The following MPDZ variants were observed in gnomAD, a reference collection of about 807,000 sequenced individuals.
The protein encoded by MPDZ is multiple PDZ domain crumbs cell polarity complex component.
MPDZ carries 234 observed loss-of-function variants against 239.1 expected under a neutral mutation model. That is an observed-to-expected ratio of 0.98 (90% confidence interval 0.88 to 1.09). MPDZ has a LOEUF of 1.09. Among genes scored for constraint, MPDZ ranks in the 50% least tolerant of loss-of-function variants. The pLI is 0.00. For missense variants in MPDZ, 3,175 were observed against 2,510.0 expected (o/e 1.26, Z -5.66); for synonymous variants, 1,048 against 881.3 (o/e 1.19, Z -3.35).
chr9:13,183,313 T>C, intron 19 of MPDZ, 105 bp downstream of exon 19: 2 of 865,158 alleles, frequency 2.3e-6, no homozygotes, highest in Non-Finnish European at 3.4e-6. Flanking sequence ...TGGAGAAACA[T>C]AATGTCTCCA....
chr9:13,252,372 C>T (rs933596968), intron 1 of MPDZ, among the ~76,000 whole-genome samples: 12 of 151,824 alleles, frequency 7.9e-5, no homozygotes, highest in Admixed American at 3.9e-4. Flanking sequence ...TCCAGACCAT[C>T]CTGGCCAACA....
rs111838188 is a variant in MPDZ, at chr9:13,195,531, C to T, written c.1656+590G>A. On this transcript the variant is annotated intron_variant, in intron 13 of 46. Coordinates refer to ENST00000319217, the MANE Select transcript of MPDZ (RefSeq NM_001378778.1). Reference sequence around the variant, plus strand: ...GTGAAATTTGCTGGTATGGTATGTACCTTAAGATTGATAATTTATAACAAT... The same window carrying T: ...GTGAAATTTGCTGGTATGGTATGTATCTTAAGATTGATAATTTATAACAAT... Among the ~76,000 whole-genome samples, 1,009 of 151,784 alleles carry T rather than the reference C, an allele frequency of 6.6e-3. 10 individuals carry two copies. Among genetic ancestry groups the T allele is most frequent in the African/African-American group, 0.024 (975 of 41,358 alleles).
intron 18 of MPDZ, among the ~76,000 whole-genome samples, chr9:13,185,060 A>G (rs7847491): frequency 0.87 from 132,318 of 151,928 alleles, 58,927 homozygotes; most frequent in East Asian, 0.99. Flanking sequence ...GACATTTCAA[A>G]AAGTATTTGC....
Position 13,174,184 on chromosome 9 carries a change from G to A in MPDZ, c.3055+1568C>T, listed in dbSNP as rs1952154553. ...TAAAGTTCTCCACACTTGGAGAGTA[G>A]GGATTAGTTATTCCCTCTTTTAAGC... On this transcript the variant is annotated intron_variant, in intron 21 of 46. Coordinates refer to ENST00000319217, the MANE Select transcript of MPDZ (RefSeq NM_001378778.1). 1.3e-5 allele frequency among the ~76,000 whole-genome samples: 2 copies of A among 152,086 alleles called. 1 individual carries two copies. Among genetic ancestry groups the A allele is most frequent in the South Asian group, 4.1e-4 (2 of 4,824 alleles).
intron 32 of MPDZ, among the ~76,000 whole-genome samples, chr9:13,129,468 T>TAAATAAAA (rs539547921): frequency 2.3e-5 from 3 of 129,076 alleles, no homozygotes; most frequent in African/African-American, 3.7e-5. Flanking sequence ...GTCTCAAAAA[T>TAAATAAAA]AAATAAATAA....
chr9:13,195,756 T>A (rs1955557392), intron 13 of MPDZ, among the ~76,000 whole-genome samples: 1 of 152,200 alleles, frequency 6.6e-6, no homozygotes, highest in Non-Finnish European at 1.5e-5. Context: ...TCATAAGTCA[T>A]GATAAATTTT....
intron 16 of MPDZ, among the ~76,000 whole-genome samples, chr9:13,189,609 A>G (rs1055128203): frequency 6.6e-6 from 1 of 152,166 alleles, no homozygotes; most frequent in Non-Finnish European, 1.5e-5. Flanking sequence ...ACTCTATCAG[A>G]CAGGCTTTAC....
At chr9:13,142,924 A>G (rs1367640232) in intron 27 of MPDZ, among the ~76,000 whole-genome samples, 1 of 152,114 alleles carries the variant, frequency 6.6e-6, no homozygotes, top group Admixed American at 6.6e-5. Context: ...TCAGAAAATG[A>G]GAAGATCCAA....
chr9:13,211,082 C>T (rs1219781603), intron 10 of MPDZ, among the ~76,000 whole-genome samples: 2 of 152,086 alleles, frequency 1.3e-5, no homozygotes, highest in Non-Finnish European at 2.9e-5. Flanking sequence ...GCCATCAGTT[C>T]ATAGCGGGCT....
chr9:13,221,104 A>G (rs1262368942), intron 7 of MPDZ, among the ~76,000 whole-genome samples: 3 of 152,032 alleles, frequency 2.0e-5, no homozygotes, highest in Admixed American at 2.0e-4. Context: ...CACAATTATC[A>G]AATCCATAAC....
At chr9:13,172,617 C>T (rs1951933546) in intron 21 of MPDZ, among the ~76,000 whole-genome samples, 1 of 152,066 alleles carries the variant, frequency 6.6e-6, no homozygotes, top group Non-Finnish European at 1.5e-5. Flanking sequence ...GAACTCCTGA[C>T]CTCAGGTGAT....
At chr9:13,184,490 T>G (rs748443302) in intron 18 of MPDZ, among the ~76,000 whole-genome samples, 11 of 151,942 alleles carry the variant, frequency 7.2e-5, no homozygotes, top group Non-Finnish European at 1.5e-4. Context: ...TCAGGTCACA[T>G]TCTTACAAAA....
intron 1 of MPDZ, among the ~76,000 whole-genome samples, chr9:13,261,752 C>CA (rs1564156084): frequency 6.6e-6 from 1 of 151,094 alleles, no homozygotes. Flanking sequence ...AGGTAACTGA[C>CA]AGAGTATGGT....
intron 3 of MPDZ, among the ~76,000 whole-genome samples, chr9:13,243,628 A>G (rs1965930360): frequency 6.6e-6 from 1 of 152,202 alleles, no homozygotes; most frequent in Non-Finnish European, 1.5e-5. Flanking sequence ...AAATTTCAAA[A>G]AAAGATCTAA....
intron 3 of MPDZ, among the ~76,000 whole-genome samples, chr9:13,246,809 A>G (rs987514886): frequency 6.6e-6 from 1 of 152,198 alleles, no homozygotes; most frequent in African/African-American, 2.4e-5. Context: ...GTCATCTATA[A>G]CCATTAAATT....
At position 13,115,894 on chromosome 9, in the gene MPDZ, A is replaced by G. The variant is rs558249466; in HGVS notation, c.5380-560T>C. Reference sequence around the variant, plus strand: ...TGGGAGGCGGAGCTTGCAGTGAGCCAAGATCATGCCACTGCACTCCACCTG... The same window carrying G: ...TGGGAGGCGGAGCTTGCAGTGAGCCGAGATCATGCCACTGCACTCCACCTG... On this transcript the variant is annotated intron_variant, in intron 39 of 46. Transcript: ENST00000319217. Among the ~76,000 whole-genome samples the G allele has an allele frequency of 8.6e-5, 13 of 150,832 alleles. 1 individual carries two copies. Among genetic ancestry groups the G allele is most frequent in the African/African-American group, 2.2e-4 (9 of 40,972 alleles).
At chr9:13,122,449 C>A (rs895404268) in intron 36 of MPDZ, among the ~76,000 whole-genome samples, 1 of 151,212 alleles carries the variant, frequency 6.6e-6, no homozygotes, top group African/African-American at 2.4e-5. Context: ...CTTTCTTATC[C>A]ATAAATGAAA....
chr9:13,183,390 A>T (rs1953640716), intron 19 of MPDZ, 28 bp downstream of exon 19: 2 of 1,569,680 alleles, frequency 1.3e-6, no homozygotes, highest in Non-Finnish European at 8.6e-7. Context: ...ACTTTCCTAT[A>T]AAAGAAAAAT....
At chr9:13,268,877 G>A (rs1034460303) in intron 1 of MPDZ, among the ~76,000 whole-genome samples, 1 of 152,202 alleles carries the variant, frequency 6.6e-6, no homozygotes, top group African/African-American at 2.4e-5. Context: ...CAGGGACATT[G>A]GGGAGGGAGT....
Sources: allele counts gnomAD v4.1 joint callset (sites outside exome capture counted in the v4.1 genomes callset), GRCh38; gene constraint gnomAD v4.1.1; transcripts MANE v1.5; gene names NCBI Gene and HGNC (gene_info 2026-07-23, HGNC 2026-07-21).